CNOT4: variants seen among roughly 807,000 people sequenced by gnomAD.
CNOT4 encodes the protein CCR4-NOT transcription complex subunit 4.
Under a neutral mutation model 73.8 loss-of-function variants are expected in CNOT4, and 8 were observed. That is an observed-to-expected ratio of 0.11 (90% CI 0.06 to 0.20). CNOT4 has a LOEUF of 0.20. CNOT4 is among the 10% of genes least tolerant of loss of function. The pLI, the probability that CNOT4 is intolerant of heterozygous loss-of-function variation, is 1.00. For missense variants in CNOT4, 564 were observed against 883.4 expected (o/e 0.64, Z 4.58); for synonymous variants, 293 against 321.1 (o/e 0.91, Z 0.94).
chr7:135,381,932 A>G (rs1795867524), intron 10 of CNOT4, among the ~76,000 whole-genome samples: 2 of 152,234 alleles, frequency 1.3e-5, no homozygotes, highest in African/African-American at 4.8e-5. Context: ...CAAAATTGTT[A>G]TAAGCACAGT....
chr7:135,480,888 C>CAAAAAAAAA (rs202103531), intron 1 of CNOT4, among the ~76,000 whole-genome samples: 1 of 75,808 alleles, frequency 1.3e-5, no homozygotes. Flanking sequence ...TATCTATATG[C>CAAAAAAAAA]AAAAAAAAAA....
chr7:135,426,023 C>A (rs190529664), intron 2 of CNOT4, among the ~76,000 whole-genome samples: 214 of 151,886 alleles, frequency 1.4e-3, no homozygotes, highest in African/African-American at 5.0e-3. Flanking sequence ...ACAGCCTGAG[C>A]AACACAGTGA....
At chr7:135,502,586 G>A (rs1585743920) in intron 1 of CNOT4, among the ~76,000 whole-genome samples, 3 of 151,846 alleles carry the variant, frequency 2.0e-5, no homozygotes, top group Admixed American at 1.3e-4. Context: ...AGGCCGAAGC[G>A]GGCAGATCAC....
At position 135,364,312 on chromosome 7, in the gene CNOT4, CACCATT is replaced by C. The variant is rs903102140; in HGVS notation, c.1628-252_1628-247del. The stretch of plus-strand genomic sequence containing the variant: ...GGTTCTTGTCTCTCTATAGCCTCTT[CACCATT>C]ATGGGTTTGTAAATCAATAATCCAG... On this transcript the variant is annotated intron_variant, in intron 10 of 11. Coordinates refer to ENST00000541284, the MANE Select transcript of CNOT4 (RefSeq NM_001190850.2). This position sits in a 1 kb window ranked among gnomAD's most constrained non-coding sequence, Gnocchi z 4.3. Among the ~76,000 whole-genome samples, 2 of 152,148 alleles carry C rather than the reference CACCATT, an allele frequency of 1.3e-5. No homozygotes were observed. Among genetic ancestry groups the C allele is most frequent in the African/African-American group, 4.8e-5 (2 of 41,432 alleles).
At chr7:135,414,893 G>A (rs1157912569) in intron 4 of CNOT4, among the ~76,000 whole-genome samples, 2 of 151,808 alleles carry the variant, frequency 1.3e-5, no homozygotes, top group African/African-American at 4.8e-5. Context: ...AATCACTATC[G>A]AATCCTCATC....
At chr7:135,493,274 G>GC (rs756332103) in intron 1 of CNOT4, among the ~76,000 whole-genome samples, 5 of 152,112 alleles carry the variant, frequency 3.3e-5, no homozygotes, top group Non-Finnish European at 5.9e-5. Context: ...GGATCCTCCT[G>GC]CCTCTACCTC....
intron 2 of CNOT4, among the ~76,000 whole-genome samples, chr7:135,426,757 T>C (rs1315121219): frequency 6.6e-6 from 1 of 151,750 alleles, no homozygotes; most frequent in East Asian, 1.9e-4. Flanking sequence ...ACCCTGTTTC[T>C]ACTAAAAATA....
intron 1 of CNOT4, among the ~76,000 whole-genome samples, chr7:135,461,640 T>G (rs1207831640): frequency 6.6e-6 from 1 of 152,130 alleles, no homozygotes; most frequent in Non-Finnish European, 1.5e-5. Context: ...AAGACCAGCC[T>G]GGCCAACATG....
In CNOT4 at chr7:135,414,421, G is replaced by T; in HGVS notation, c.471C>A (p.Ala157=). 6.7e-7 allele frequency: 1 copy of T among 1,488,526 alleles called. No homozygotes were observed. The allele number at this position is 1,488,526 out of a possible 1,614,324, so 92.2% of individuals were successfully genotyped here. ...ACCGGATATAGGTTACATAAGCACTGGCACTTGGACCCTAAAGTGAAAACA... is the reference window on the plus strand; with the variant it reads ...ACCGGATATAGGTTACATAAGCACTTGCACTTGGACCCTAAAGTGAAAACA... The part of the protein sequence containing the change: ...TSYAGSQGPS[A]SAYVTYIRSE... Residue 157 remains alanine (A), a synonymous_variant, in exon 5 of 12, where the codon GCC becomes GCA. Transcript: ENST00000541284.
chr7:135,371,269 T>A (rs1795193112), intron 10 of CNOT4, among the ~76,000 whole-genome samples: 1 of 152,228 alleles, frequency 6.6e-6, no homozygotes. Flanking sequence ...TCAAGCATAC[T>A]ACCAACCAGT....
chr7:135,382,104 A>G (rs1261537724), intron 10 of CNOT4, among the ~76,000 whole-genome samples: 1 of 152,212 alleles, frequency 6.6e-6, no homozygotes, highest in African/African-American at 2.4e-5. Flanking sequence ...TTTATGGAAC[A>G]TCTGGGTACT....
At chr7:135,401,068 A>G (rs1000485215) in intron 7 of CNOT4, among the ~76,000 whole-genome samples, 4 of 152,226 alleles carry the variant, frequency 2.6e-5, no homozygotes, top group East Asian at 3.8e-4. Context: ...AAGAAAAACT[A>G]TATTTACAAA....
intron 2 of CNOT4, among the ~76,000 whole-genome samples, chr7:135,436,588 C>A (rs1475419703): frequency 1.3e-5 from 2 of 151,496 alleles, no homozygotes; most frequent in East Asian, 3.9e-4. Context: ...TTTACCTTTC[C>A]ATTCACATTT....
At chr7:135,420,006 T>C (rs1056191430) in intron 3 of CNOT4, among the ~76,000 whole-genome samples, 18 of 151,604 alleles carry the variant, frequency 1.2e-4, no homozygotes, top group Non-Finnish European at 2.4e-4. Flanking sequence ...TGAGCTGAGA[T>C]TGTGCACTGC....
intron 1 of CNOT4, among the ~76,000 whole-genome samples, chr7:135,466,762 T>A (rs183695632): frequency 1.3e-5 from 2 of 152,200 alleles, no homozygotes; most frequent in East Asian, 3.8e-4. Flanking sequence ...ACCTTTTTCA[T>A]GTTTAGATAT....
chr7:135,391,108 A>T (rs1796377097), intron 10 of CNOT4, among the ~76,000 whole-genome samples: 1 of 152,284 alleles, frequency 6.6e-6, no homozygotes, highest in Admixed American at 6.5e-5. Context: ...CCTAGGTATT[A>T]AATTGCTTCA....
chr7:135,387,564 T>TA (rs1796186093), intron 10 of CNOT4: 16 of 974,718 alleles, frequency 1.6e-5, no homozygotes, highest in African/African-American at 1.8e-5. Flanking sequence ...CTTTTTTTTT[T>TA]AACAAATTAA....
At chr7:135,392,376 A>C (rs1447319120) in intron 10 of CNOT4, among the ~76,000 whole-genome samples, 3 of 152,134 alleles carry the variant, frequency 2.0e-5, no homozygotes, top group Non-Finnish European at 1.5e-5. Flanking sequence ...AATTGGTCTA[A>C]TCTTTAAATG....
In CNOT4 at chr7:135,395,775, C is replaced by A. The variant is rs748053981; in HGVS notation, c.988G>T (p.Val330Leu). 2 of 1,614,080 alleles carry A rather than the reference C, an allele frequency of 1.2e-6. No homozygotes were observed. Among genetic ancestry groups the A allele is most frequent in the Admixed American group, 3.3e-5 (2 of 60,028 alleles). Residue 330 changes from valine to leucine, a missense_variant, in exon 9 of 12, where the codon GTA becomes TTA. Physicochemically the swap from Val to Leu is conservative, Grantham distance 32. Coordinates refer to ENST00000541284, the MANE Select transcript of CNOT4 (RefSeq NM_001190850.2). ...HSARSPFEGA[V>L]TESQSLFSDN... ...GAGAATAACGACTGTGACTCTGTTA[C>A]TGCCCCTTCAAAAGGGGACCGTGCA...
Sources: gnomAD v4.1 joint callset for allele counts (sites outside exome capture counted in the v4.1 genomes callset) on GRCh38, gnomAD v4.1.1 for gene constraint, Gnocchi (gnomAD v3.1) non-coding constraint, MANE v1.5 for transcripts, NCBI Gene and HGNC (gene_info 2026-07-23, HGNC 2026-07-21) for gene names.